PAPPA: variants seen among roughly 807,000 people sequenced by gnomAD.
The protein encoded by PAPPA is pappalysin 1, also known as pappalysin-1.
PAPPA carries 60 observed loss-of-function variants against 164.0 expected under a neutral mutation model. That is an observed-to-expected ratio of 0.37 (90% CI 0.30 to 0.45). The LOEUF (loss-of-function observed/expected upper bound fraction) is 0.45. Among genes scored for constraint, PAPPA ranks in the 20% least tolerant of loss-of-function variants. The pLI, the probability that PAPPA is intolerant of heterozygous loss-of-function variation, is 1.00. For missense variants in PAPPA, 1,782 were observed against 2,087.3 expected, an observed-to-expected ratio of 0.85 and a Z score of 2.85; for synonymous variants, 875 against 814.1, an observed-to-expected ratio of 1.07 and a Z score of -1.27.
chr9:116,392,052 A>G (rs1276904829), intron 21 of PAPPA, among the ~76,000 whole-genome samples: 1 of 152,164 alleles, frequency 6.6e-6, no homozygotes, highest in African/African-American at 2.4e-5. Flanking sequence ...CAGCCCACTG[A>G]TTCATCTCTT....
At chr9:116,370,871 T>C (rs1433557655) in intron 19 of PAPPA, among the ~76,000 whole-genome samples, 1 of 152,232 alleles carries the variant, frequency 6.6e-6, no homozygotes, top group African/African-American at 2.4e-5. Context: ...GTACCTCCCT[T>C]GGTGCCTAGC....
rs1845137798 is a variant in PAPPA at position 116,271,534 on chromosome 9, C to T, written c.2953+118C>T. On this transcript the variant is annotated intron_variant, in intron 9 of 21. Transcript: ENST00000328252. The surrounding 1 kb of genome is among the most constrained non-coding windows in gnomAD (Gnocchi z 4.2). ...TGATGATTCACTCCTTTGTATTACA[C>T]CTGTTTATTGAGTGCCTCCTACATG... 8 of 761,240 alleles carry T rather than the reference C, an allele frequency of 1.1e-5. No homozygotes were observed. Among genetic ancestry groups the T allele is most frequent in the Non-Finnish European group, 1.8e-5 (8 of 438,022 alleles). 47.2% of individuals were successfully genotyped at this position (761,240 alleles called of 1,614,324 possible).
chr9:116,254,345 A>G (rs754396152), intron 7 of PAPPA, among the ~76,000 whole-genome samples: 1 of 152,202 alleles, frequency 6.6e-6, no homozygotes, highest in Non-Finnish European at 1.5e-5. Context: ...TAATCAAACC[A>G]TAAATATAAT....
intron 9 of PAPPA, among the ~76,000 whole-genome samples, chr9:116,272,864 G>T (rs749195265): frequency 3.3e-5 from 5 of 152,164 alleles, no homozygotes; most frequent in Non-Finnish European, 7.3e-5. Flanking sequence ...TGGCCAAGTG[G>T]CTTCCCTAGT....
At chr9:116,244,847 G>C (rs993416316) in intron 7 of PAPPA, among the ~76,000 whole-genome samples, 9 of 152,088 alleles carry the variant, frequency 5.9e-5, no homozygotes, top group African/African-American at 1.9e-4. Flanking sequence ...TCATTAGAAA[G>C]ATACCTGCAC....
At chr9:116,216,114 A>G (rs1411173116) in intron 4 of PAPPA, among the ~76,000 whole-genome samples, 2 of 152,202 alleles carry the variant, frequency 1.3e-5, no homozygotes, top group African/African-American at 2.4e-5. Context: ...ATCTATTATT[A>G]TGACTATTAT....
intron 7 of PAPPA, among the ~76,000 whole-genome samples, chr9:116,264,151 T>C (rs1212887211): frequency 6.6e-6 from 1 of 152,172 alleles, no homozygotes; most frequent in Non-Finnish European, 1.5e-5. Context: ...TTGTTACTTT[T>C]TTCTCCACCC....
intron 17 of PAPPA, among the ~76,000 whole-genome samples, chr9:116,360,767 G>C (rs1846416133): frequency 6.6e-6 from 1 of 152,196 alleles, no homozygotes; most frequent in Non-Finnish European, 1.5e-5. Flanking sequence ...TGAATGCACT[G>C]AGTGGCCTGG....
chr9:116,374,166 G>T (rs974187328), intron 19 of PAPPA, among the ~76,000 whole-genome samples: 1 of 146,716 alleles, frequency 6.8e-6, no homozygotes, highest in Non-Finnish European at 1.5e-5. Flanking sequence ...TGTTGGTGGT[G>T]GTGTTGATGA....
chr9:116,392,265 T>C (rs886368627), intron 21 of PAPPA, among the ~76,000 whole-genome samples: 12 of 152,304 alleles, frequency 7.9e-5, no homozygotes, highest in Admixed American at 5.2e-4. Context: ...ACCTTTTTTT[T>C]CCCCCTTCTT....
At chr9:116,304,343 A>G (rs147278851) in intron 10 of PAPPA, among the ~76,000 whole-genome samples, 319 of 152,330 alleles carry the variant, frequency 2.1e-3, no homozygotes, top group African/African-American at 7.4e-3. Context: ...TCCCATTGCC[A>G]CATGCAAATG....
chr9:116,382,285 G>A (rs935292291), intron 20 of PAPPA, 110 bp from the exon 21 acceptor site: 21 of 723,618 alleles, frequency 2.9e-5, no homozygotes, highest in East Asian at 5.1e-5. Flanking sequence ...CCAGCTAATC[G>A]TGGAAGGCTG....
chr9:116,286,835 A>AT (rs78045280), intron 9 of PAPPA: 51,383 of 151,870 alleles, frequency 0.34, 9,246 homozygotes, highest in East Asian at 0.54. Context: ...ACAGCTTCTC[A>AT]TTTTTTTGTC....
At chr9:116,337,297 C>A (rs1564231333) in intron 13 of PAPPA, among the ~76,000 whole-genome samples, 1 of 152,182 alleles carries the variant, frequency 6.6e-6, no homozygotes, top group Non-Finnish European at 1.5e-5. Context: ...AGGGCAGGAG[C>A]ACCTCCTCCT....
chr9:116,298,895 TC>T (rs1442696396), intron 9 of PAPPA, among the ~76,000 whole-genome samples: 3 of 152,218 alleles, frequency 2.0e-5, no homozygotes, highest in Non-Finnish European at 4.4e-5. Context: ...TACAACCTGC[TC>T]AGCATCTAGC....
intron 11 of PAPPA, 34 bp from the exon 12 acceptor site, chr9:116,332,299 C>T: frequency 1.9e-6 from 3 of 1,597,066 alleles, no homozygotes; most frequent in Non-Finnish European, 2.6e-6. Flanking sequence ...TGACTGAGTG[C>T]ACATGTGACC....
At chr9:116,175,423 A>T (rs1843822949) in intron 1 of PAPPA, among the ~76,000 whole-genome samples, 1 of 152,240 alleles carries the variant, frequency 6.6e-6, no homozygotes, top group African/African-American at 2.4e-5. Context: ...AAGATAATGC[A>T]TACTTAATTA....
chr9:116,197,319 G>T (rs1844117185), intron 2 of PAPPA, among the ~76,000 whole-genome samples: 1 of 152,162 alleles, frequency 6.6e-6, no homozygotes, highest in African/African-American at 2.4e-5. Flanking sequence ...GGATATAAGA[G>T]ACAGTCTTTG....
intron 7 of PAPPA, among the ~76,000 whole-genome samples, chr9:116,246,253 T>A (rs1844795582): frequency 6.6e-6 from 1 of 152,126 alleles, no homozygotes; most frequent in Non-Finnish European, 1.5e-5. Context: ...TTTTCCCCCA[T>A]TCTATAAAAG....
Sources: allele counts gnomAD v4.1 joint callset (sites outside exome capture counted in the v4.1 genomes callset), GRCh38; gene constraint gnomAD v4.1.1; non-coding constraint Gnocchi (gnomAD v3.1); transcripts MANE v1.5; gene names NCBI Gene and HGNC (gene_info 2026-07-23, HGNC 2026-07-21).